PIKFYVE: variants seen among roughly 807,000 people sequenced by gnomAD.
The protein encoded by PIKFYVE is phosphoinositide kinase, FYVE-type zinc finger containing, also known as 1-phosphatidylinositol 3-phosphate 5-kinase.
In PIKFYVE, 122 loss-of-function variants were observed where a neutral mutation model predicts 257.9. The observed-to-expected ratio is 0.47, with a 90% CI of 0.41 to 0.55. PIKFYVE has a LOEUF of 0.55. Ranked by LOEUF, PIKFYVE falls within the 20% of genes least tolerant of loss-of-function variation. PIKFYVE has a pLI of 0.00. For missense variants in PIKFYVE, 2,160 were observed against 2,536.6 expected (o/e 0.85, Z 3.19); for synonymous variants, 892 against 868.9 (o/e 1.03, Z -0.47).
At position 208,351,220 on chromosome 2, in the gene PIKFYVE, T is replaced by G. The variant is rs190318089; in HGVS notation, c.5612-132T>G. On this transcript the variant is annotated intron_variant, in intron 37 of 41. Transcript: ENST00000264380. ...TTGAGAATTGTGTTCTGATCAAAATTTTCACTGTGACATTAGAAAATTCCC... is the reference window on the plus strand; with the variant it reads ...TTGAGAATTGTGTTCTGATCAAAATGTTCACTGTGACATTAGAAAATTCCC... 91 of 908,050 alleles carry G rather than the reference T, an allele frequency of 1.0e-4. No individual in the cohort carries two copies. In the African/African-American group the frequency reaches 1.3e-3, roughly 13 times the overall value. The allele number at this position is 908,050 out of a possible 1,614,324, so 56.2% of individuals were successfully genotyped here.
Position 208,289,068 on chromosome 2 carries a change from G to T in PIKFYVE, c.911+250G>T, listed in dbSNP as rs76080447. On this transcript the variant is annotated intron_variant, in intron 7 of 41. Transcript: ENST00000264380. ...CCTTTCTCTTCTGGTTAAATAAGAC[G>T]TGAAGGATGTGAGGGAAGGAGCCAT... 2.0e-5 allele frequency among the ~76,000 whole-genome samples: 3 copies of T among 152,302 alleles called. No individual in the cohort carries two copies. The East Asian group carries it at 5.8e-4, about 29-fold the overall frequency.
At chr2:208,276,865 A>C (rs1690175047) in intron 4 of PIKFYVE, 35 bp downstream of exon 4, 3 of 1,549,826 alleles carry the variant, frequency 1.9e-6, no homozygotes, top group Non-Finnish European at 2.7e-6. Flanking sequence ...TTACTTATTA[A>C]GCGCTTATGG....
intron 15 of PIKFYVE, 33 bp from the exon 16 acceptor site, chr2:208,317,834 T>G (rs1695725582): frequency 6.5e-7 from 1 of 1,544,976 alleles, no homozygotes; most frequent in East Asian, 2.2e-5. Context: ...ATGTTATCAT[T>G]GAATTTTATT....
intron 7 of PIKFYVE, among the ~76,000 whole-genome samples, chr2:208,289,597 T>A (rs1452039051): frequency 6.6e-6 from 1 of 152,008 alleles, no homozygotes; most frequent in Admixed American, 6.6e-5. Flanking sequence ...GCCCAGCTAA[T>A]TTTTTTGTAT....
Position 208,325,562 on chromosome 2 carries a change from C to A in PIKFYVE, c.2751C>A (p.Ile917=), listed in dbSNP as rs1039004367. ...GGGSIPWDPD[I]PPESLPCDDS... is the part of the protein sequence containing the mutation. ...GTTCCATCCCCTGGGATCCTGACAT[C>A]CCTCCTGAGTCTCTGCCCTGTGATG... is the stretch of plus-strand genomic sequence containing the variant. Residue 917 remains isoleucine (I), a synonymous_variant, in exon 20 of 42, where the codon ATC becomes ATA. Coordinates refer to ENST00000264380, the MANE Select transcript of PIKFYVE (RefSeq NM_015040.4). The A allele has an allele frequency of 6.2e-7, 1 of 1,614,088 alleles. No homozygotes were observed. Among genetic ancestry groups the A allele is most frequent in the Admixed American group, 1.7e-5 (1 of 60,010 alleles).
chr2:208,335,982 G>A, intron 26 of PIKFYVE, 64 bp from the exon 27 acceptor site: 7 of 1,596,640 alleles, frequency 4.4e-6, no homozygotes, highest in Non-Finnish European at 5.1e-6. Context: ...ATTAATAATA[G>A]CAGTTTCTTT....
chr2:208,326,387 A>G lies in PIKFYVE; in HGVS notation c.3576A>G (p.Glu1192=). ...GQSGSKNEGD[E]ERGLILSDAV... ...CAGGAAGCAAAAATGAGGGTGATGAAGAGAGAGGGCTTATTCTGAGTGATG... is the reference window on the plus strand; with the variant it reads ...CAGGAAGCAAAAATGAGGGTGATGAGGAGAGAGGGCTTATTCTGAGTGATG... Residue 1192 remains glutamate, a synonymous_variant, in exon 20 of 42, where the codon GAA becomes GAG. Coordinates refer to ENST00000264380, the MANE Select transcript of PIKFYVE (RefSeq NM_015040.4). 6.2e-7 allele frequency: 1 copy of G among 1,613,990 alleles called. No homozygotes were observed. The highest frequency in any genetic ancestry group is 8.5e-7 in the Non-Finnish European group (1 of 1,179,918).
At chr2:208,347,268 T>A (rs1433634507) in intron 34 of PIKFYVE, among the ~76,000 whole-genome samples, 1 of 152,230 alleles carries the variant, frequency 6.6e-6, no homozygotes, top group African/African-American at 2.4e-5. Context: ...AATAGTATGA[T>A]GAATGAAGCT....
chr2:208,340,013 G>A lies in PIKFYVE; in HGVS notation c.4813G>A (p.Val1605Met). ...ELDTASSSED[V>M]FDGHLLGSTD... ...AAGTAGACTATTTTTCATTTTAGAT[G>A]TGTTTGATGGGCATTTGCTGGGATC... is the stretch of plus-strand genomic sequence containing the variant. Residue 1605 changes from valine (V) to methionine (M), a missense_variant and splice_region_variant, in exon 31 of 42, where the codon GTG (valine) becomes ATG (methionine). Around this residue, in one of 12 missense-constraint regions of PIKFYVE, gnomAD observed 699 missense variants for 855.8 expected, o/e 0.82. Transcript: ENST00000264380. The A allele has an allele frequency of 1.2e-6, 2 of 1,613,062 alleles. No homozygotes were observed. The highest frequency in any genetic ancestry group is 1.7e-6 in the Non-Finnish European group (2 of 1,179,052).
Position 208,317,895 on chromosome 2 carries a change from T to G in PIKFYVE, c.2036T>G (p.Val679Gly). The G allele has an allele frequency of 1.2e-6, 2 of 1,613,956 alleles. No homozygotes were observed. Among genetic ancestry groups the G allele is most frequent in the Non-Finnish European group, 8.5e-7 (1 of 1,179,806 alleles). Reference sequence around the variant, plus strand: ...CCAGGTGGAAAGAAGTTTGATTCTGTGGTTGTCAATGGCTTTGTTTGTACC... The same window carrying G: ...CCAGGTGGAAAGAAGTTTGATTCTGGGGTTGTCAATGGCTTTGTTTGTACC... ...KIPGGKKFDS[V>G]VVNGFVCTKN... Residue 679 changes from valine to glycine, a missense_variant, in exon 16 of 42, where the codon GTG (valine) becomes GGG (glycine). Physicochemically the swap from Val to Gly is moderately radical, Grantham distance 109. This residue lies in a region of PIKFYVE where 346 missense variants were observed against 365.6 expected (regional missense o/e 0.95). Transcript: ENST00000264380.
rs1344817628 is a variant in PIKFYVE, at chr2:208,347,949, G to C, written c.5300G>C (p.Gly1767Ala). ...TCCCAGAAGAGAGAGACCTTACGTG[G>C]AGCAGATAGTGCTTACTACCAGGTT... ...LSSQKRETLR[G>A]ADSAYYQVGQ... The change falls in exon 35 of 42, where the codon GGA (glycine) becomes GCA (alanine). Residue 1767 changes from glycine to alanine, a missense_variant. By Grantham distance (60) the Gly-to-Ala change is moderately conservative. Transcript: ENST00000264380. The C allele has an allele frequency of 1.9e-6, 3 of 1,614,080 alleles. No homozygotes were observed. Among genetic ancestry groups the C allele is most frequent in the Non-Finnish European group, 1.7e-6 (2 of 1,179,944 alleles).
intron 3 of PIKFYVE, chr2:208,274,192 G>T: frequency 1.1e-6 from 1 of 910,878 alleles, no homozygotes. Context: ...GTCCTTGTTG[G>T]GGTGCAAACT....
chr2:208,355,251 C>G lies in PIKFYVE; in HGVS notation c.6243C>G (p.Asp2081Glu), dbSNP rs746132026. 3.7e-6 allele frequency: 6 copies of G among 1,613,982 alleles called. No homozygotes were observed. Among genetic ancestry groups the G allele is most frequent in the Non-Finnish European group, 4.2e-6 (5 of 1,179,896 alleles). The change falls in exon 42 of 42, where the codon GAC (aspartate) becomes GAG (glutamate). Residue 2081 changes from aspartate to glutamate, a missense_variant. Coordinates refer to ENST00000264380, the MANE Select transcript of PIKFYVE (RefSeq NM_015040.4). ...GGACTAGGTTTTGTGAGGCAATGGA[C>G]AAGTATTTCCTAATGGTACCAGACC... ...LYRTRFCEAMDKYFLMVPDHW... is the reference protein window; with the variant it reads ...LYRTRFCEAMEKYFLMVPDHW...
chr2:208,348,506 T>C (rs1699445521), intron 35 of PIKFYVE, among the ~76,000 whole-genome samples: 1 of 151,864 alleles, frequency 6.6e-6, no homozygotes, highest in Non-Finnish European at 1.5e-5. Context: ...CCCATCACTT[T>C]GGGAGGCTGA....
At chr2:208,316,585 G>A (rs1273500137) in intron 15 of PIKFYVE, among the ~76,000 whole-genome samples, 1 of 151,996 alleles carries the variant, frequency 6.6e-6, no homozygotes, top group Non-Finnish European at 1.5e-5. Flanking sequence ...GGTGTGAGAT[G>A]GTATCTCATT....
At chr2:208,350,461 A>G (rs1363707151) in intron 36 of PIKFYVE, among the ~76,000 whole-genome samples, 1 of 152,214 alleles carries the variant, frequency 6.6e-6, no homozygotes, top group Non-Finnish European at 1.5e-5. Flanking sequence ...GAATTACTAT[A>G]AAAGTACAAT....
intron 7 of PIKFYVE, among the ~76,000 whole-genome samples, chr2:208,296,036 G>A (rs1022529925): frequency 3.3e-5 from 5 of 151,706 alleles, no homozygotes; most frequent in African/African-American, 7.3e-5. Context: ...AGACAGTCTC[G>A]CTTTGTTGCC....
At position 208,357,185 on chromosome 2, in the gene PIKFYVE, A is replaced by G. The variant is rs1700206489; in HGVS notation, c.*1880A>G. 6.6e-6 allele frequency: 1 copy of G among 152,272 alleles called. No individual in the cohort carries two copies. The highest frequency in any genetic ancestry group is 6.5e-5 in the Admixed American group (1 of 15,288). 9.4% of individuals were successfully genotyped at this position (152,272 alleles called of 1,614,324 possible). A position where few individuals can be genotyped will look rare whatever the true frequency, so the allele number is the denominator to read the frequency against. The stretch of plus-strand genomic sequence containing the variant: ...TAAAGGAGCTGTACAGAGGTAAAAA[A>G]ATAAATGTGGAACATTATTAACTTA... On this transcript the variant is annotated 3_prime_UTR_variant, in exon 42 of 42. Transcript: ENST00000264380.
chr2:208,266,268 A>C lies in PIKFYVE; in HGVS notation c.-157A>C, dbSNP rs886055529. On this transcript the variant is annotated 5_prime_UTR_variant, in exon 1 of 42. Coordinates refer to ENST00000264380, the MANE Select transcript of PIKFYVE (RefSeq NM_015040.4). ...GGGGGGGGAAGCGAGAAGCCGCATC[A>C]ACCATGTAAGCAGCTTCGCTTCCTG... The C allele has an allele frequency of 1.3e-5, 2 of 152,236 alleles. No individual in the cohort carries two copies. Among genetic ancestry groups the C allele is most frequent in the African/African-American group, 4.8e-5 (2 of 41,452 alleles). 9.4% of individuals were successfully genotyped at this position (152,236 alleles called of 1,614,324 possible). A position where few individuals can be genotyped will look rare whatever the true frequency, so the allele number is the denominator to read the frequency against.
Sources: gnomAD v4.1 joint callset for allele counts (sites outside exome capture counted in the v4.1 genomes callset) on GRCh38, gnomAD v4.1.1 for gene constraint, gnomAD v4.1.1 regional missense constraint, MANE v1.5 for transcripts, NCBI Gene and HGNC (gene_info 2026-07-23, HGNC 2026-07-21) for gene names.